The following DPP9 variants were observed in gnomAD, a reference collection of about 807,000 sequenced individuals.
DPP9 encodes dipeptidyl peptidase 9.
A neutral mutation model predicts 110.7 loss-of-function variants in DPP9; 50 were observed. That is an observed-to-expected ratio of 0.45 (90% confidence interval 0.36 to 0.57). The LOEUF (loss-of-function observed/expected upper bound fraction) is 0.57, where lower values mean the gene tolerates loss of function less well. Ranked by LOEUF, DPP9 falls within the 20% of genes least tolerant of loss-of-function variation. DPP9 has a pLI of 0.00. For missense variants in DPP9, 1,022 were observed against 1,217.9 expected, an observed-to-expected ratio of 0.84 and a Z score of 2.39; for synonymous variants, 561 against 514.4, an observed-to-expected ratio of 1.09 and a Z score of -1.23.
Position 4,694,715 on chromosome 19 carries a change from C to T in DPP9, c.1462G>A (p.Ala488Thr), listed in dbSNP as rs1161285145. Residue 488 changes from alanine (A) to threonine (T), a missense_variant, in exon 13 of 22, where the codon GCC (alanine) becomes ACC (threonine). By Grantham distance (58) the Ala-to-Thr change is moderately conservative (BLOSUM62 0). Transcript: ENST00000262960. This position sits in a 1 kb window ranked among gnomAD's most constrained non-coding sequence, Gnocchi z 4.0. ...TGFCHLYKVTAVLKSQGYDWS... is the reference protein window; with the variant it reads ...TGFCHLYKVTTVLKSQGYDWS... ...TCGTAGCCCTGGGATTTTAAAACGGCGGTGACTTTGTACAAATGGCAGAAG... is the reference window on the plus strand; with the variant it reads ...TCGTAGCCCTGGGATTTTAAAACGGTGGTGACTTTGTACAAATGGCAGAAG... 2 of 1,613,408 alleles carry T rather than the reference C, an allele frequency of 1.2e-6. No homozygotes were observed. The highest frequency in any genetic ancestry group is 2.2e-5 in the East Asian group (1 of 44,880).
rs757622305 is a variant in DPP9, at chr19:4,685,785, G to A, written c.1886-14C>T. The A allele has an allele frequency of 1.2e-6, 2 of 1,610,822 alleles. No individual in the cohort carries two copies. Among genetic ancestry groups the A allele is most frequent in the Admixed American group, 1.7e-5 (1 of 59,980 alleles). The stretch of plus-strand genomic sequence containing the variant: ...CCGGGGGGCAGCCTGCGGGAGACAG[G>A]GCGGCTATCTGGCTGCCCGGGGAAG... On this transcript the variant is annotated splice_polypyrimidine_tract_variant and intron_variant, in intron 16 of 21. Coordinates refer to ENST00000262960, the MANE Select transcript of DPP9 (RefSeq NM_139159.5). The surrounding 1 kb of genome is among the most constrained non-coding windows in gnomAD (Gnocchi z 5.8).
At position 4,689,533 on chromosome 19, in the gene DPP9, G is replaced by A. The variant is rs751416911; in HGVS notation, c.1749+37C>T. On this transcript the variant is annotated intron_variant, in intron 15 of 21. Transcript: ENST00000262960. This position sits in a 1 kb window ranked among gnomAD's most constrained non-coding sequence, Gnocchi z 7.0. ...CTGCTCTGGCTGGGAGCTGTTGGACGGGCACAGGGCGGTGCCGTGAGGCTG... is the reference window on the plus strand; with the variant it reads ...CTGCTCTGGCTGGGAGCTGTTGGACAGGCACAGGGCGGTGCCGTGAGGCTG... The A allele has an allele frequency of 8.5e-6, 13 of 1,535,302 alleles. No homozygotes were observed. Among genetic ancestry groups the A allele is most frequent in the South Asian group, 1.2e-5 (1 of 83,558 alleles).
At chr19:4,699,158 CAAAAA>C (rs144927941) in intron 10 of DPP9, among the ~76,000 whole-genome samples, 2 of 50,906 alleles carry the variant, frequency 3.9e-5, no homozygotes, top group Non-Finnish European at 7.9e-5. Context: ...GACTCCACCT[CAAAAA>C]AAAAAAAAAA....
chr19:4,707,157 C>A (rs545484848), intron 4 of DPP9, among the ~76,000 whole-genome samples: 6 of 152,310 alleles, frequency 3.9e-5, no homozygotes, highest in Non-Finnish European at 7.3e-5. Flanking sequence ...GCTCTCGGCA[C>A]AATGTGTGTG....
chr19:4,691,305 C>T (rs2145539710), intron 13 of DPP9, among the ~76,000 whole-genome samples: 1 of 151,680 alleles, frequency 6.6e-6, no homozygotes, highest in African/African-American at 2.4e-5. Flanking sequence ...GAGACCCTGT[C>T]TCTCCAAAAA....
intron 1 of DPP9, among the ~76,000 whole-genome samples, chr19:4,722,940 G>C (rs1472794088): frequency 6.6e-6 from 1 of 152,212 alleles, no homozygotes; most frequent in Non-Finnish European, 1.5e-5. Context: ...CAGAGGCAGC[G>C]TGAACAGGGA....
At position 4,697,576 on chromosome 19, in the gene DPP9, C is replaced by A. The variant is rs981730364; in HGVS notation, c.1150G>T (p.Ala384Ser). 8 of 1,613,702 alleles carry A rather than the reference C, an allele frequency of 5.0e-6. No homozygotes were observed. In the South Asian group the frequency reaches 6.6e-5, roughly 13 times the overall value. The change falls in exon 11 of 22, where the codon GCC becomes TCC. Residue 384 changes from alanine (A) to serine (S), a missense_variant. By Grantham distance (99) the Ala-to-Ser change is moderately conservative (BLOSUM62 1). Transcript: ENST00000262960. ...TATTTGCCATCCCGGGTCCACCCGG[C>A]CCTGGCGATGTACTCCACCTTCGGG... is the stretch of plus-strand genomic sequence containing the variant. ...LFPKVEYIAR[A>S]GWTRDGKYAW...
intron 14 of DPP9, 106 bp downstream of exon 14, chr19:4,690,772 T>C (rs2091243470): frequency 4.6e-6 from 4 of 869,182 alleles, no homozygotes; most frequent in African/African-American, 3.3e-5. Flanking sequence ...AGAATGAGTA[T>C]GTGTGTGAGT....
At position 4,698,431 on chromosome 19, in the gene DPP9, C is replaced by T. The variant is rs140389298; in HGVS notation, c.1075-780G>A. ...CCCCAGCCCACCTAAGGACTCTGCA[C>T]GTCTGAGAGTGCAAGGAGCCACTAA... On this transcript the variant is annotated intron_variant, in intron 10 of 21. Coordinates refer to ENST00000262960, the MANE Select transcript of DPP9 (RefSeq NM_139159.5). The surrounding 1 kb of genome is among the most constrained non-coding windows in gnomAD (Gnocchi z 4.2). 7.3e-4 allele frequency among the ~76,000 whole-genome samples: 111 copies of T among 152,162 alleles called. No homozygotes were observed. Among genetic ancestry groups the T allele is most frequent in the Non-Finnish European group, 1.1e-3 (74 of 68,018 alleles).
chr19:4,684,573 C>A lies in DPP9; in HGVS notation c.2178+90G>T. ...GAAGTGCCCTTCTGCGGGTGGTATTCCAGAGCCGCTCCCATGCCCTGCACC... is the reference window on the plus strand; with the variant it reads ...GAAGTGCCCTTCTGCGGGTGGTATTACAGAGCCGCTCCCATGCCCTGCACC... On this transcript the variant is annotated intron_variant, in intron 18 of 21. Transcript: ENST00000262960. This position sits in a 1 kb window ranked among gnomAD's most constrained non-coding sequence, Gnocchi z 4.8. 6.7e-7 allele frequency: 1 copy of A among 1,497,276 alleles called. No individual in the cohort carries two copies. Among genetic ancestry groups the A allele is most frequent in the Non-Finnish European group, 9.0e-7 (1 of 1,107,550 alleles). The allele number at this position is 1,497,276 out of a possible 1,614,324, so 92.7% of individuals were successfully genotyped here.
At chr19:4,709,046 T>C (rs1385125162) in intron 4 of DPP9, among the ~76,000 whole-genome samples, 2 of 152,062 alleles carry the variant, frequency 1.3e-5, no homozygotes, top group Non-Finnish European at 2.9e-5. Flanking sequence ...GCCTCCCGAG[T>C]AGCTGGGATT....
At chr19:4,703,247 G>A (rs2092395018) in intron 7 of DPP9, among the ~76,000 whole-genome samples, 3 of 152,142 alleles carry the variant, frequency 2.0e-5, no homozygotes, top group Admixed American at 2.0e-4. Flanking sequence ...CAGAGTGGAG[G>A]GGAAGGTGTG....
In DPP9 at chr19:4,719,863, C is replaced by T. The variant is rs569207000; in HGVS notation, c.44G>A (p.Gly15Glu). 3.2e-6 allele frequency: 5 copies of T among 1,551,770 alleles called. No homozygotes were observed. In the East Asian group the frequency reaches 7.3e-5, roughly 23 times the overall value. Residue 15 changes from glycine to glutamate, a missense_variant, in exon 3 of 22, where the codon GGA becomes GAA. By Grantham distance (98) the Gly-to-Glu change is moderately conservative. Transcript: ENST00000262960. ...AGGCCAACCTCACCTTCTCCAACTT[C>T]CGGTGTTCTCCTTGTCCAGGCGCAG... is the stretch of plus-strand genomic sequence containing the variant. ...KKLRLDKENT[G>E]SWRSFSLNSE...
Position 4,685,580 on chromosome 19 carries a change from C to T in DPP9, c.2031+46G>A, listed in dbSNP as rs765744864. The T allele has an allele frequency of 1.2e-5, 18 of 1,467,390 alleles. No homozygotes were observed. Among genetic ancestry groups the T allele is most frequent in the East Asian group, 1.1e-4 (4 of 36,600 alleles). The allele number at this position is 1,467,390 out of a possible 1,614,324, so 90.9% of individuals were successfully genotyped here. A position where few individuals can be genotyped will look rare whatever the true frequency, so the allele number is the denominator to read the frequency against. ...CACTTGAGTGGGGATGGGGAGTCCT[C>T]GGGTGGATGGTGGGGTGGGGGCCTG... is the stretch of plus-strand genomic sequence containing the variant. On this transcript the variant is annotated intron_variant, in intron 17 of 21. Coordinates refer to ENST00000262960, the MANE Select transcript of DPP9 (RefSeq NM_139159.5). This position sits in a 1 kb window ranked among gnomAD's most constrained non-coding sequence, Gnocchi z 5.8.
chr19:4,688,557 A>C, intron 16 of DPP9, 200 bp downstream of exon 16: 1 of 663,298 alleles, frequency 1.5e-6, no homozygotes, highest in Non-Finnish European at 2.2e-6. Flanking sequence ...CTGCAGCTCG[A>C]ACCCAGGACC....
chr19:4,676,542 TG>T lies in DPP9; in HGVS notation c.*21del. The T allele has an allele frequency of 6.3e-7, 1 of 1,581,680 alleles. No homozygotes were observed. The highest frequency in any genetic ancestry group is 8.6e-7 in the Non-Finnish European group (1 of 1,163,046). On this transcript the variant is annotated 3_prime_UTR_variant, in exon 22 of 22. Coordinates refer to ENST00000262960, the MANE Select transcript of DPP9 (RefSeq NM_139159.5). This position sits in a 1 kb window ranked among gnomAD's most constrained non-coding sequence, Gnocchi z 4.0. ...GGCTGCAGCCACTTGTGCTGTGATG[TG>T]GCGGCTCCCGGTGGGCAGGCTCAGA...
chr19:4,683,615 G>C lies in DPP9; in HGVS notation c.2193C>G (p.Ile731Met), dbSNP rs747283407. The C allele has an allele frequency of 3.1e-6, 5 of 1,613,380 alleles. No individual in the cohort carries two copies. Among genetic ancestry groups the C allele is most frequent in the Non-Finnish European group, 1.7e-6 (2 of 1,179,852 alleles). The change falls in exon 19 of 22, where the codon ATC (isoleucine) becomes ATG (methionine). Residue 731 changes from isoleucine (I) to methionine (M), a missense_variant. Physicochemically the swap from Ile to Met is conservative, Grantham distance 10. Coordinates refer to ENST00000262960, the MANE Select transcript of DPP9 (RefSeq NM_139159.5). The part of the protein sequence containing the change: ...ALKNQMGQVE[I>M]EDQVEGLQFV... ...ACTGCAGGCCCTCCACCTGGTCCTCGATCTCCACCTGGCCCTGAGGGATGA... is the reference window on the plus strand; with the variant it reads ...ACTGCAGGCCCTCCACCTGGTCCTCCATCTCCACCTGGCCCTGAGGGATGA...
rs2090810982 is a variant in DPP9, at chr19:4,687,018, G to A, written c.1886-1247C>T. 6.6e-6 allele frequency among the ~76,000 whole-genome samples: 1 copy of A among 152,176 alleles called. No individual in the cohort carries two copies. Among genetic ancestry groups the A allele is most frequent in the South Asian group, 2.1e-4 (1 of 4,832 alleles). ...CACAGATTGGGAGTTTCGGGAAACA[G>A]TGCCTCGTTCCCCAGGGCACTGAGG... On this transcript the variant is annotated intron_variant, in intron 16 of 21. Coordinates refer to ENST00000262960, the MANE Select transcript of DPP9 (RefSeq NM_139159.5). The surrounding 1 kb of genome is among the most constrained non-coding windows in gnomAD (Gnocchi z 4.7).
At chr19:4,706,686 C>T (rs990884862) in intron 4 of DPP9, among the ~76,000 whole-genome samples, 2 of 152,140 alleles carry the variant, frequency 1.3e-5, no homozygotes, top group African/African-American at 2.4e-5. Flanking sequence ...CGTGGTGGCA[C>T]GCGCCTGTAA....
Sources: gnomAD v4.1 joint callset for allele counts (sites outside exome capture counted in the v4.1 genomes callset) on GRCh38, gnomAD v4.1.1 for gene constraint, Gnocchi (gnomAD v3.1) non-coding constraint, MANE v1.5 for transcripts, NCBI Gene and HGNC (gene_info 2026-07-23, HGNC 2026-07-21) for gene names.